The following PREP variants were observed in gnomAD, a reference collection of about 807,000 sequenced individuals.
The protein encoded by PREP is prolyl endopeptidase, also known as dJ355L5.1 (prolyl endopeptidase).
In PREP, 29 loss-of-function variants were observed where a neutral mutation model predicts 87.6. The observed-to-expected ratio is 0.33, with a 90% CI of 0.25 to 0.45. The LOEUF is 0.45. PREP is among the 20% of genes least tolerant of loss of function. PREP has a pLI of 1.00. For missense variants in PREP, 695 were observed against 886.5 expected (o/e 0.78, Z 2.74); for synonymous variants, 337 against 328.6 (o/e 1.03, Z -0.28).
chr6:105,380,451 T>C (rs1472461893), intron 2 of PREP, among the ~76,000 whole-genome samples: 2 of 152,156 alleles, frequency 1.3e-5, no homozygotes, highest in East Asian at 3.9e-4. Context: ...GATTTACTTT[T>C]TGAAAGATTA....
At chr6:105,364,649 G>C (rs1457966095) in intron 6 of PREP, among the ~76,000 whole-genome samples, 1 of 152,138 alleles carries the variant, frequency 6.6e-6, no homozygotes, top group Non-Finnish European at 1.5e-5. Flanking sequence ...TCTCTCCCAG[G>C]AGGCTAAGAG....
intron 7 of PREP, among the ~76,000 whole-genome samples, chr6:105,334,059 C>T (rs1771415789): frequency 6.6e-6 from 1 of 152,198 alleles, no homozygotes; most frequent in Non-Finnish European, 1.5e-5. Context: ...GTCTACAGTG[C>T]CAAGTCTGAG....
intron 7 of PREP, among the ~76,000 whole-genome samples, chr6:105,349,742 A>T (rs941937916): frequency 1.3e-5 from 2 of 152,090 alleles, no homozygotes; most frequent in Non-Finnish European, 2.9e-5. Context: ...AGTAATATGA[A>T]ATTGGAGGTT....
Position 105,353,016 on chromosome 6 carries a change from C to T in PREP, c.779G>A (p.Arg260Gln), listed in dbSNP as rs774687832. 10 of 1,613,988 alleles carry T rather than the reference C, an allele frequency of 6.2e-6. No individual in the cohort carries two copies. The East Asian group carries it at 1.8e-4, about 29-fold the overall frequency. Residue 260 changes from arginine (R) to glutamine (Q), a missense_variant, in exon 7 of 15, where the codon CGA becomes CAA. Physicochemically the swap from Arg to Gln is conservative, Grantham distance 43. This residue lies in a region of PREP where 517 missense variants were observed against 620.3 expected (regional missense o/e 0.83). Transcript: ENST00000652536. Reference protein sequence around the residue: ...SIREGCDPVNRLWYCDLQQES... With the variant: ...SIREGCDPVNQLWYCDLQQES... ...CTGCTGTAGGTCACAGTACCAGAGT[C>T]GGTTTACTGGATCACATCCTTCCCT...
At chr6:105,373,613 C>T (rs979631219) in intron 4 of PREP, 35 bp from the exon 5 acceptor site, 1 of 1,584,028 alleles carries the variant, frequency 6.3e-7, no homozygotes, top group African/African-American at 1.3e-5. Context: ...CAGTGACAAA[C>T]ACGGAACACA....
At chr6:105,306,694 C>G (rs13218970) in intron 10 of PREP, among the ~76,000 whole-genome samples, 2 of 152,166 alleles carry the variant, frequency 1.3e-5, no homozygotes, top group South Asian at 4.1e-4. Context: ...TCTTCTCCCA[C>G]CATACACACT....
chr6:105,289,068 T>C (rs745996475), intron 10 of PREP, among the ~76,000 whole-genome samples, 174 bp from the exon 11 acceptor site: 1 of 152,228 alleles, frequency 6.6e-6, no homozygotes, highest in Non-Finnish European at 1.5e-5. Flanking sequence ...GGAGAGAATG[T>C]AGAACAGTTT....
At chr6:105,280,994 A>G (rs12214230) in intron 14 of PREP, 10,797 of 152,296 alleles carry the variant, frequency 0.071, 497 homozygotes, top group Middle Eastern at 0.15. Context: ...GTAACAAATT[A>G]CCACAAATTT....
chr6:105,392,043 CTTTT>C (rs201604035), intron 2 of PREP, among the ~76,000 whole-genome samples: 3 of 123,246 alleles, frequency 2.4e-5, no homozygotes, highest in Admixed American at 8.3e-5. Context: ...GTCTTCAAAT[CTTTT>C]TTTTTTTTTT....
At chr6:105,304,721 T>C (rs1295395882) in intron 10 of PREP, among the ~76,000 whole-genome samples, 1 of 152,108 alleles carries the variant, frequency 6.6e-6, no homozygotes, top group Non-Finnish European at 1.5e-5. Context: ...TTCAATTAAA[T>C]AATATCAGAA....
chr6:105,365,107 C>T (rs1022587195), intron 6 of PREP, among the ~76,000 whole-genome samples: 8 of 152,080 alleles, frequency 5.3e-5, no homozygotes, highest in African/African-American at 1.9e-4. Flanking sequence ...ATTAGCCAGG[C>T]ATGGTGGCAT....
chr6:105,351,226 T>G (rs1454908742), intron 7 of PREP, among the ~76,000 whole-genome samples: 1 of 152,214 alleles, frequency 6.6e-6, no homozygotes, highest in African/African-American at 2.4e-5. Flanking sequence ...CTGGATAATT[T>G]GAGTGGGCCT....
chr6:105,277,975 G>C lies in PREP; in HGVS notation c.*169C>G. On this transcript the variant is annotated 3_prime_UTR_variant, in exon 15 of 15. Coordinates refer to ENST00000652536, the MANE Select transcript of PREP (RefSeq NM_002726.5). Reference sequence around the variant, plus strand: ...GAAACACCAAGGCCTTGCTAAAAAGGAGAAGCCTAAAAAAGATAAAATTCC... The same window carrying C: ...GAAACACCAAGGCCTTGCTAAAAAGCAGAAGCCTAAAAAAGATAAAATTCC... 1 of 967,344 alleles carries C rather than the reference G, an allele frequency of 1.0e-6. No individual in the cohort carries two copies. The highest frequency in any genetic ancestry group is 1.6e-5 in the African/African-American group (1 of 60,964). 59.9% of individuals were successfully genotyped at this position (967,344 alleles called of 1,614,324 possible).
At position 105,376,228 on chromosome 6, in the gene PREP, C is replaced by T; in HGVS notation, c.282G>A (p.Leu94=). 4 of 1,613,490 alleles carry T rather than the reference C, an allele frequency of 2.5e-6. No homozygotes were observed. The highest frequency in any genetic ancestry group is 3.4e-6 in the Non-Finnish European group (4 of 1,179,610). ...GTACATATAATACTCGCTGGTTCTGCAAACCTGTATTGTAAAAATAAAAAT... is the reference window on the plus strand; with the variant it reads ...GTACATATAATACTCGCTGGTTCTGTAAACCTGTATTGTAAAAATAAAAAT... ...KRYFYFYNTG[L]QNQRVLYVQD... The change falls in exon 4 of 15, where the codon TTG becomes TTA. Residue 94 remains leucine (L), a synonymous_variant. Coordinates refer to ENST00000652536, the MANE Select transcript of PREP (RefSeq NM_002726.5).
At position 105,273,309 on chromosome 6, in the gene PREP, A is replaced by G. The variant is rs549506813; in HGVS notation, c.*4835T>C. ...AAAATTCATACATTTCAAGTGTACA[A>G]TTCAATGACTTTTTAATACATTTAC... On this transcript the variant is annotated 3_prime_UTR_variant, in exon 15 of 15. Coordinates refer to ENST00000652536, the MANE Select transcript of PREP (RefSeq NM_002726.5). The G allele has an allele frequency of 6.6e-6, 1 of 152,286 alleles. No homozygotes were observed. The highest frequency in any genetic ancestry group is 2.1e-4 in the South Asian group (1 of 4,826). 9.4% of individuals were successfully genotyped at this position (152,286 alleles called of 1,614,324 possible). A position where few individuals can be genotyped will look rare whatever the true frequency, so the allele number is the denominator to read the frequency against.
intron 2 of PREP, among the ~76,000 whole-genome samples, chr6:105,383,984 G>C (rs992206811): frequency 6.6e-6 from 1 of 152,078 alleles, no homozygotes; most frequent in African/African-American, 2.4e-5. Flanking sequence ...AATCCAAACT[G>C]TAACAAGATT....
intron 7 of PREP, among the ~76,000 whole-genome samples, chr6:105,343,331 A>G (rs1435520029): frequency 6.6e-6 from 1 of 152,232 alleles, no homozygotes; most frequent in Non-Finnish European, 1.5e-5. Context: ...CATATGTAGA[A>G]AGCTGAAACT....
chr6:105,296,798 C>A (rs950012545), intron 10 of PREP, among the ~76,000 whole-genome samples: 5 of 152,120 alleles, frequency 3.3e-5, no homozygotes, highest in African/African-American at 4.8e-5. Context: ...CTAATTGATC[C>A]ATTATTGCCT....
intron 6 of PREP, among the ~76,000 whole-genome samples, chr6:105,364,896 A>G (rs940174573): frequency 1.3e-5 from 2 of 152,220 alleles, no homozygotes; most frequent in African/African-American, 4.8e-5. Flanking sequence ...TACTTTTATA[A>G]CAAAAGCAAC....
Sources: allele counts gnomAD v4.1 joint callset (sites outside exome capture counted in the v4.1 genomes callset), GRCh38; gene constraint gnomAD v4.1.1; regional missense constraint gnomAD v4.1.1; transcripts MANE v1.5; gene names NCBI Gene and HGNC (gene_info 2026-07-23, HGNC 2026-07-21).